Variants in CTNNA2 observed in about 807,000 individuals in gnomAD.
The protein encoded by CTNNA2 is catenin alpha-2.
In CTNNA2, 42 loss-of-function variants were observed where a neutral mutation model predicts 101.0. That is an observed-to-expected ratio of 0.42 (90% CI 0.32 to 0.54). The LOEUF is 0.54. Among genes scored for constraint, CTNNA2 ranks in the 20% least tolerant of loss-of-function variants. The pLI is 0.14. For synonymous variants in CTNNA2, 450 were observed against 456.4 expected, an observed-to-expected ratio of 0.99 and a Z score of 0.18; for missense variants, 871 against 1,223.1, an observed-to-expected ratio of 0.71 and a Z score of 4.29.
intron 7 of CTNNA2, among the ~76,000 whole-genome samples, chr2:80,048,042 A>T (rs1449384025): frequency 1.3e-5 from 2 of 152,166 alleles, no homozygotes; most frequent in South Asian, 2.1e-4. Flanking sequence ...ATAACCAAAG[A>T]GGAGGCCGCT....
At chr2:80,127,233 G>A (rs7605459) in intron 7 of CTNNA2, among the ~76,000 whole-genome samples, 4,379 of 151,530 alleles carry the variant, frequency 0.029, 171 homozygotes, top group East Asian at 0.099. Flanking sequence ...AGATCAAAAG[G>A]TTTTTTTTTG....
At chr2:80,384,270 C>T (rs1294544590) in intron 7 of CTNNA2, among the ~76,000 whole-genome samples, 3 of 151,866 alleles carry the variant, frequency 2.0e-5, no homozygotes, top group Admixed American at 6.6e-5. Flanking sequence ...ACTTATGTCA[C>T]AAAATATCTG....
chr2:79,919,064 T>G (rs1686469562), intron 7 of CTNNA2, among the ~76,000 whole-genome samples: 1 of 152,026 alleles, frequency 6.6e-6, no homozygotes, highest in Non-Finnish European at 1.5e-5. Context: ...CTTGAATGGG[T>G]GGGGCAGGCG....
At chr2:80,581,882 G>A (rs935664971) in intron 14 of CTNNA2, 63 bp downstream of exon 14, 2 of 991,968 alleles carry the variant, frequency 2.0e-6, no homozygotes, top group East Asian at 2.4e-5. Flanking sequence ...AATGGTTTGA[G>A]GGTATTTCTA....
In CTNNA2 at chr2:80,303,868, C is replaced by G. The variant is rs751326524; in HGVS notation, c.1057-89343C>G. 2 of 1,466,316 alleles carry G rather than the reference C, an allele frequency of 1.4e-6. No individual in the cohort carries two copies. The highest frequency in any genetic ancestry group is 4.7e-5 in the East Asian group (2 of 42,294). The allele number at this position is 1,466,316 out of a possible 1,614,324, so 90.8% of individuals were successfully genotyped here. On this transcript the variant is annotated intron_variant, in intron 7 of 18. Transcript: ENST00000402739. This position sits in a 1 kb window ranked among gnomAD's most constrained non-coding sequence, Gnocchi z 7.7. ...CTGGAGAATGTCCATTGGAAGCGCTCGGTCAGAAATCTACATCATATTTTA... is the reference window on the plus strand; with the variant it reads ...CTGGAGAATGTCCATTGGAAGCGCTGGGTCAGAAATCTACATCATATTTTA...
intron 7 of CTNNA2, among the ~76,000 whole-genome samples, chr2:80,361,147 T>C (rs1321497301): frequency 3.9e-5 from 6 of 152,112 alleles, no homozygotes; most frequent in African/African-American, 1.4e-4. Flanking sequence ...AAATTGGTTT[T>C]CTAGCAGATG....
At chr2:79,974,285 A>G (rs896286290) in intron 7 of CTNNA2, among the ~76,000 whole-genome samples, 5 of 152,156 alleles carry the variant, frequency 3.3e-5, no homozygotes, top group Admixed American at 2.6e-4. Flanking sequence ...ATAAAGCCCA[A>G]TGCCCGTCGT....
intron 6 of CTNNA2, among the ~76,000 whole-genome samples, chr2:79,879,941 T>C (rs1245128949): frequency 6.6e-6 from 1 of 152,194 alleles, no homozygotes; most frequent in African/African-American, 2.4e-5. Flanking sequence ...TTCAATATGA[T>C]ATTGGTTGTG....
intron 4 of CTNNA2, among the ~76,000 whole-genome samples, chr2:79,409,718 T>C (rs75239809): frequency 0.065 from 6,829 of 105,158 alleles, no homozygotes; most frequent in South Asian, 0.084. Context: ...TAGTATAGTT[T>C]GAAGTCAGGT....
intron 1 of CTNNA2, among the ~76,000 whole-genome samples, chr2:79,513,504 C>CT (rs1374128474): frequency 6.6e-6 from 1 of 152,160 alleles, no homozygotes; most frequent in Non-Finnish European, 1.5e-5. Flanking sequence ...CTTCTTCCCC[C>CT]CTTTCTTACC....
intron 14 of CTNNA2, among the ~76,000 whole-genome samples, chr2:80,585,614 G>T (rs959886631): frequency 2.6e-5 from 4 of 152,048 alleles, no homozygotes; most frequent in African/African-American, 9.7e-5. Flanking sequence ...ATTTTATATT[G>T]AGTTTGATTT....
At chr2:79,407,494 A>C (rs952568548) in intron 4 of CTNNA2, among the ~76,000 whole-genome samples, 1 of 151,892 alleles carries the variant, frequency 6.6e-6, no homozygotes, top group East Asian at 1.9e-4. Context: ...TAAACACTAC[A>C]TGCATTATCC....
At chr2:79,474,437 T>A (rs557751123) in intron 4 of CTNNA2, among the ~76,000 whole-genome samples, 332 of 152,274 alleles carry the variant, frequency 2.2e-3, no homozygotes, top group Non-Finnish European at 3.3e-3. Context: ...TATATGGCAT[T>A]TTGGAAAGGC....
At chr2:80,212,205 T>C (rs991817635) in intron 7 of CTNNA2, among the ~76,000 whole-genome samples, 1 of 152,160 alleles carries the variant, frequency 6.6e-6, no homozygotes, top group African/African-American at 2.4e-5. Flanking sequence ...TGAATACCCT[T>C]TATTTCTTTC....
At chr2:79,253,320 A>G (rs1674797420) in intron 2 of CTNNA2, among the ~76,000 whole-genome samples, 1 of 152,238 alleles carries the variant, frequency 6.6e-6, no homozygotes, top group South Asian at 2.1e-4. Flanking sequence ...CTCTGAATAC[A>G]TTGAAAAACA....
At chr2:79,667,562 A>G (rs1406445439) in intron 2 of CTNNA2, among the ~76,000 whole-genome samples, 1 of 152,230 alleles carries the variant, frequency 6.6e-6, no homozygotes, top group Non-Finnish European at 1.5e-5. Context: ...TATACCTAAC[A>G]CAATCTGGTA....
At position 79,696,893 on chromosome 2, in the gene CTNNA2, G is replaced by A. The variant is rs74574561; in HGVS notation, c.102+45235G>A. 2.5e-3 allele frequency among the ~76,000 whole-genome samples: 378 copies of A among 152,128 alleles called. 2 individuals are homozygous for A. The highest frequency in any genetic ancestry group is 2.5e-3 in the Non-Finnish European group (169 of 67,932). ...GAAAAGCAGGTTTCAACAGAGTTCA[G>A]ATTCCTTTGTCATAAGACAGACATT... On this transcript the variant is annotated intron_variant, in intron 2 of 18. Coordinates refer to ENST00000402739, the MANE Select transcript of CTNNA2 (RefSeq NM_001282597.3).
chr2:79,801,839 A>T (rs1676182049), intron 3 of CTNNA2, among the ~76,000 whole-genome samples: 1 of 151,946 alleles, frequency 6.6e-6, no homozygotes, highest in Non-Finnish European at 1.5e-5. Flanking sequence ...TAAAAATATA[A>T]AAATTAGCCA....
intron 7 of CTNNA2, among the ~76,000 whole-genome samples, chr2:80,028,659 A>T (rs775541140): frequency 1.3e-5 from 2 of 152,208 alleles, no homozygotes; most frequent in Non-Finnish European, 2.9e-5. Flanking sequence ...TGACCTTAAA[A>T]TAAGAAGACT....
Sources: gnomAD v4.1 joint callset for allele counts (sites outside exome capture counted in the v4.1 genomes callset) on GRCh38, gnomAD v4.1.1 for gene constraint, Gnocchi (gnomAD v3.1) non-coding constraint, MANE v1.5 for transcripts, NCBI Gene and HGNC (gene_info 2026-07-23, HGNC 2026-07-21) for gene names.